The following GUCY1A2 variants were observed in gnomAD, a reference collection of about 807,000 sequenced individuals.
GUCY1A2 encodes the protein guanylate cyclase 1 soluble subunit alpha 2, also known as guanylate cyclase soluble subunit alpha-2.
Under a neutral mutation model 63.5 loss-of-function variants are expected in GUCY1A2, and 27 were observed. The ratio of observed to expected loss-of-function variants is 0.43; its 90% CI spans 0.31 to 0.59. The LOEUF is 0.59. Ranked by LOEUF, GUCY1A2 falls within the 20% of genes least tolerant of loss-of-function variation. The probability of loss-of-function intolerance (pLI) is 0.11; values close to 1 mark genes in which losing one functional copy is unlikely to be tolerated. For missense variants in GUCY1A2, 768 were observed against 913.3 expected (o/e 0.84, Z 2.05); for synonymous variants, 364 against 343.5 (o/e 1.06, Z -0.66).
intron 4 of GUCY1A2, among the ~76,000 whole-genome samples, chr11:106,818,512 C>T (rs1001152169): frequency 6.4e-4 from 97 of 152,114 alleles, no homozygotes; most frequent in African/African-American, 2.1e-3. Flanking sequence ...CTCCCTATCA[C>T]ATGAGAACAA....
intron 4 of GUCY1A2, among the ~76,000 whole-genome samples, chr11:106,935,942 T>G (rs1860671155): frequency 6.6e-6 from 1 of 151,356 alleles, no homozygotes; most frequent in African/African-American, 2.4e-5. Context: ...TGTAAAGGAG[T>G]AAAAATATTA....
At chr11:106,726,909 G>C (rs1863418120) in intron 6 of GUCY1A2, among the ~76,000 whole-genome samples, 1 of 152,154 alleles carries the variant, frequency 6.6e-6, no homozygotes, top group Non-Finnish European at 1.5e-5. Flanking sequence ...TTCTGGCTGT[G>C]GCGGACTTAC....
At chr11:106,796,020 A>G (rs1864752385) in intron 5 of GUCY1A2, among the ~76,000 whole-genome samples, 1 of 152,152 alleles carries the variant, frequency 6.6e-6, no homozygotes, top group African/African-American at 2.4e-5. Flanking sequence ...TATTTAGGAT[A>G]GTTAGCTCTT....
intron 6 of GUCY1A2, among the ~76,000 whole-genome samples, 162 bp downstream of exon 6, chr11:106,776,277 T>C (rs1490644884): frequency 6.6e-6 from 1 of 152,186 alleles, no homozygotes; most frequent in Non-Finnish European, 1.5e-5. Flanking sequence ...CATTTGTTCT[T>C]TTCCTGGATT....
intron 7 of GUCY1A2, among the ~76,000 whole-genome samples, chr11:106,700,423 T>C (rs1308414481): frequency 6.6e-6 from 1 of 152,102 alleles, no homozygotes; most frequent in Non-Finnish European, 1.5e-5. Flanking sequence ...TTTTGATATA[T>C]AGCAGAGAGA....
At chr11:106,777,636 C>T (rs1241722008) in intron 5 of GUCY1A2, among the ~76,000 whole-genome samples, 1 of 127,920 alleles carries the variant, frequency 7.8e-6, no homozygotes, top group Non-Finnish European at 1.5e-5. Flanking sequence ...ACAATGAGAA[C>T]ATGTGGACAC....
At chr11:106,834,219 T>C (rs1859088620) in intron 4 of GUCY1A2, among the ~76,000 whole-genome samples, 1 of 152,124 alleles carries the variant, frequency 6.6e-6, no homozygotes, top group East Asian at 1.9e-4. Flanking sequence ...ATTTCTCCCA[T>C]ACCCCAACCC....
rs571555388 is a variant in GUCY1A2, at chr11:106,934,438, A to T, written c.1206+5022T>A. On this transcript the variant is annotated intron_variant, in intron 4 of 7. Transcript: ENST00000526355. ...CAAATAATGTATTCTTGACAGCAAG[A>T]TGAAACTTGTCTTTCAACGGTTTCA... Among the ~76,000 whole-genome samples the T allele has an allele frequency of 2.6e-5, 4 of 152,344 alleles. No individual in the cohort carries two copies. In the East Asian group the frequency reaches 7.7e-4, roughly 29 times the overall value.
chr11:106,929,448 T>G (rs939961634), intron 4 of GUCY1A2, among the ~76,000 whole-genome samples: 1 of 152,162 alleles, frequency 6.6e-6, no homozygotes, highest in African/African-American at 2.4e-5. Context: ...TTTCTAAATC[T>G]CTCTACTCCA....
intron 3 of GUCY1A2, among the ~76,000 whole-genome samples, chr11:106,965,443 A>T (rs1407630229): frequency 1.3e-5 from 2 of 152,210 alleles, no homozygotes; most frequent in African/African-American, 4.8e-5. Context: ...ACTTATGTAT[A>T]TAGGCATATA....
At chr11:106,815,938 C>T (rs1401853056) in intron 4 of GUCY1A2, among the ~76,000 whole-genome samples, 1 of 151,920 alleles carries the variant, frequency 6.6e-6, no homozygotes, top group Non-Finnish European at 1.5e-5. Flanking sequence ...ACCCCAGAGC[C>T]TCTGGAGATA....
intron 6 of GUCY1A2, among the ~76,000 whole-genome samples, chr11:106,749,386 C>T (rs535892969): frequency 2.6e-5 from 4 of 152,116 alleles, no homozygotes; most frequent in South Asian, 2.1e-4. Context: ...CTTTGGGCTG[C>T]GGAATCAATC....
intron 5 of GUCY1A2, among the ~76,000 whole-genome samples, chr11:106,795,335 A>T (rs1864736165): frequency 6.6e-6 from 1 of 152,192 alleles, no homozygotes; most frequent in Non-Finnish European, 1.5e-5. Context: ...GCCCGACTGG[A>T]TATGAGGCGA....
chr11:106,710,037 GTA>G (rs1369928719), intron 6 of GUCY1A2, among the ~76,000 whole-genome samples: 45 of 1,130 alleles, frequency 0.04, no homozygotes, highest in African/African-American at 0.11. Context: ...CATGTATAAA[GTA>G]TATAGTTATA....
At chr11:106,943,001 T>C (rs565752743) in intron 3 of GUCY1A2, among the ~76,000 whole-genome samples, 1 of 152,334 alleles carries the variant, frequency 6.6e-6, no homozygotes, top group Admixed American at 6.5e-5. Flanking sequence ...CAATTCTATA[T>C]AAACCCATAA....
rs764620462 is a variant in GUCY1A2 at position 106,683,161 on chromosome 11, CTCATGCA to C, written c.*4381_*4387del. The C allele has an allele frequency of 5.6e-5, 12 of 215,320 alleles. No homozygotes were observed. The highest frequency in any genetic ancestry group is 9.4e-5 in the Non-Finnish European group (10 of 106,932). 13.3% of individuals were successfully genotyped at this position (215,320 alleles called of 1,614,324 possible). A position where few individuals can be genotyped will look rare whatever the true frequency, so the allele number is the denominator to read the frequency against. On this transcript the variant is annotated 3_prime_UTR_variant, in exon 8 of 8. Transcript: ENST00000526355. ...ATATGTTAAACTTCAATAATTCAGTCTCATGCATCATGATTTTTGGGTTATATCTATT... is the reference window on the plus strand; with the variant it reads ...ATATGTTAAACTTCAATAATTCAGTCTCATGATTTTTGGGTTATATCTATT...
intron 4 of GUCY1A2, among the ~76,000 whole-genome samples, chr11:106,858,421 G>C (rs1289578102): frequency 6.6e-6 from 1 of 152,104 alleles, no homozygotes; most frequent in Non-Finnish European, 1.5e-5. Context: ...TATATTTAGT[G>C]AGTTATATCA....
chr11:106,895,011 GCTAA>G (rs1421852777), intron 4 of GUCY1A2, among the ~76,000 whole-genome samples: 6 of 152,014 alleles, frequency 3.9e-5, no homozygotes, highest in Non-Finnish European at 7.4e-5. Flanking sequence ...CTCTAGCCAG[GCTAA>G]CTAAGAAAAA....
chr11:106,994,414 T>C (rs1383217776), intron 1 of GUCY1A2, among the ~76,000 whole-genome samples: 1 of 152,222 alleles, frequency 6.6e-6, no homozygotes, highest in Non-Finnish European at 1.5e-5. Flanking sequence ...ATACACTCCC[T>C]GAAGTATGAG....
Sources: gnomAD v4.1 joint callset for allele counts (sites outside exome capture counted in the v4.1 genomes callset) on GRCh38, gnomAD v4.1.1 for gene constraint, MANE v1.5 for transcripts, NCBI Gene and HGNC (gene_info 2026-07-23, HGNC 2026-07-21) for gene names.